The following PIEZO2 variants were observed in gnomAD, a reference collection of about 807,000 sequenced individuals.
PIEZO2 encodes the protein piezo-type mechanosensitive ion channel component 2.
PIEZO2 carries 172 observed loss-of-function variants against 337.3 expected under a neutral mutation model. That is an observed-to-expected ratio of 0.51 (90% CI 0.45 to 0.58). The LOEUF (loss-of-function observed/expected upper bound fraction) is 0.58. Among genes scored for constraint, PIEZO2 ranks in the 20% least tolerant of loss-of-function variants. The pLI is 0.00. For synonymous variants in PIEZO2, 1,251 were observed against 1,228.5 expected, an observed-to-expected ratio of 1.02 and a Z score of -0.38; for missense variants, 3,028 against 3,391.3, an observed-to-expected ratio of 0.89 and a Z score of 2.66.
rs201314305 is a variant in PIEZO2 at position 10,795,316 on chromosome 18, ATTT to A, written c.1528-317_1528-315del. 0.18 allele frequency among the ~76,000 whole-genome samples: 16,387 copies of A among 91,016 alleles called. 1,236 individuals carry two copies. Among genetic ancestry groups the A allele is most frequent in the African/African-American group, 0.24 (4,644 of 19,386 alleles). 59.7% of individuals were successfully genotyped at this position (91,016 alleles called of 152,430 possible). On this transcript the variant is annotated intron_variant, in intron 12 of 55. Transcript: ENST00000674853. The surrounding 1 kb of genome is among the most constrained non-coding windows in gnomAD (Gnocchi z 4.4). ...TAAGTAGCAAAATGTGTATTCAAAT[ATTT>A]TATTTTATTTTATTTTATTTTATTT...
At chr18:10,914,669 G>GT (rs759603135) in intron 3 of PIEZO2, among the ~76,000 whole-genome samples, 2 of 152,140 alleles carry the variant, frequency 1.3e-5, no homozygotes, top group Non-Finnish European at 2.9e-5. Flanking sequence ...AGGGCCAACT[G>GT]TAATTCATAG....
At chr18:10,843,944 C>T (rs899230983) in intron 7 of PIEZO2, among the ~76,000 whole-genome samples, 10 of 152,134 alleles carry the variant, frequency 6.6e-5, no homozygotes, top group African/African-American at 1.9e-4. Context: ...TGGTTTACCA[C>T]GAAGTTGTTC....
chr18:10,809,902 T>C (rs1172928273), intron 7 of PIEZO2, among the ~76,000 whole-genome samples: 1 of 152,182 alleles, frequency 6.6e-6, no homozygotes, highest in Non-Finnish European at 1.5e-5. Flanking sequence ...CTGACTGTCT[T>C]AAATCTCTCC....
At chr18:11,052,495 A>G (rs1228743994) in intron 2 of PIEZO2, among the ~76,000 whole-genome samples, 1 of 152,200 alleles carries the variant, frequency 6.6e-6, no homozygotes, top group African/African-American at 2.4e-5. Flanking sequence ...TCACCTTTGA[A>G]CCCTTTGTTT....
rs540111915 is a variant in PIEZO2 at position 11,035,295 on chromosome 18, G to A, written c.160+30832C>T. Among the ~76,000 whole-genome samples the A allele has an allele frequency of 6.7e-6, 1 of 148,964 alleles. No individual in the cohort carries two copies. The highest frequency in any genetic ancestry group is 2.5e-5 in the African/African-American group (1 of 39,616). On this transcript the variant is annotated intron_variant, in intron 2 of 55. Coordinates refer to ENST00000674853, the MANE Select transcript of PIEZO2 (RefSeq NM_001378183.1). The surrounding 1 kb of genome is among the most constrained non-coding windows in gnomAD (Gnocchi z 4.3). ...GGAGAGCTGGTTGTTTAAAAAGCCT[G>A]GCACCTTCTCTCTCTCTCCCTCTCT...
At position 11,096,297 on chromosome 18, in the gene PIEZO2, G is replaced by A. The variant is rs2902932; in HGVS notation, c.65-30075C>T. Among the ~76,000 whole-genome samples, 43,336 of 152,098 alleles carry A rather than the reference G, an allele frequency of 0.28. 6,373 individuals carry two copies. Among genetic ancestry groups the A allele is most frequent in the African/African-American group, 0.33 (13,842 of 41,490 alleles). ...TGCTGGCCCAAGCATTAGGGGCCAT[G>A]TCCTGCTACCAAATACCATTTCATT... On this transcript the variant is annotated intron_variant, in intron 1 of 55. Transcript: ENST00000674853. This position sits in a 1 kb window ranked among gnomAD's most constrained non-coding sequence, Gnocchi z 4.6.
rs2033741347 is a variant in PIEZO2 at position 10,670,882 on chromosome 18, G to A, written c.*645C>T. 1 of 152,058 alleles carries A rather than the reference G, an allele frequency of 6.6e-6. No homozygotes were observed. The highest frequency in any genetic ancestry group is 1.5e-5 in the Non-Finnish European group (1 of 67,976). The allele number at this position is 152,058 out of a possible 1,614,324, so 9.4% of individuals were successfully genotyped here. ...TTTTTTTTTTCCTGAGAAGTCACTG[G>A]TGTTTAATGGAAAGGTATCCTATTA... is the stretch of plus-strand genomic sequence containing the variant. On this transcript the variant is annotated 3_prime_UTR_variant, in exon 56 of 56. Transcript: ENST00000674853.
chr18:10,698,919 A>C lies in PIEZO2; in HGVS notation c.6694+6T>G. ...TACAGCCTAGATATATTGTGTCGAC[A>C]GATACCTCTTTGGGATCTGTTTGAA... is the stretch of plus-strand genomic sequence containing the variant. On this transcript the variant is annotated splice_donor_region_variant and intron_variant, in intron 44 of 55. Transcript: ENST00000674853. 6.5e-7 allele frequency: 1 copy of C among 1,536,180 alleles called. No homozygotes were observed. Among genetic ancestry groups the C allele is most frequent in the Non-Finnish European group, 8.7e-7 (1 of 1,146,886 alleles).
intron 18 of PIEZO2, among the ~76,000 whole-genome samples, chr18:10,778,140 T>C (rs2038851909): frequency 6.6e-6 from 1 of 152,214 alleles, no homozygotes; most frequent in South Asian, 2.1e-4. Context: ...CATTTTATTC[T>C]CCTTATAAAA....
At chr18:10,964,437 C>T (rs558595392) in intron 3 of PIEZO2, among the ~76,000 whole-genome samples, 18 of 152,146 alleles carry the variant, frequency 1.2e-4, no homozygotes, top group African/African-American at 4.3e-4. Flanking sequence ...CAGAAATAAA[C>T]ACAAATAGTA....
chr18:10,913,516 A>C (rs2030664113), intron 3 of PIEZO2, among the ~76,000 whole-genome samples: 1 of 152,146 alleles, frequency 6.6e-6, no homozygotes. Flanking sequence ...AGATATTTTC[A>C]GTATTATTCT....
chr18:11,075,820 G>A (rs377002715), intron 1 of PIEZO2, among the ~76,000 whole-genome samples: 23 of 136,606 alleles, frequency 1.7e-4, no homozygotes, highest in Middle Eastern at 8.8e-3. Context: ...ACAGAGTCTC[G>A]CTCTGTCACC....
chr18:10,736,621 G>A lies in PIEZO2; in HGVS notation c.4798C>T (p.Arg1600Ter), dbSNP rs886039822. 4.6e-6 allele frequency: 7 copies of A among 1,537,130 alleles called. No homozygotes were observed. The highest frequency in any genetic ancestry group is 2.4e-5 in the South Asian group (2 of 84,058). Residue 1600 changes from arginine (R) to a stop codon, truncating the protein, a stop_gained, in exon 34 of 56, where the codon CGA (arginine) becomes TGA (stop). Transcript: ENST00000674853. LOFTEE classifies it high-confidence loss of function. Reference protein sequence around the residue: ...ELKKEDEEPPRRSAFQRAIGK... With the variant: ...ELKKEDEEPP ...ATAATTACCTGGAATGCTGACCTTC[G>A]TGGAGGTTCTTCATCTTCCTTCTTT... is the stretch of plus-strand genomic sequence containing the variant.
At chr18:10,812,903 C>T (rs75163894) in intron 7 of PIEZO2, among the ~76,000 whole-genome samples, 7 of 152,142 alleles carry the variant, frequency 4.6e-5, no homozygotes, top group African/African-American at 1.2e-4. Flanking sequence ...GCAAGAAATA[C>T]GTAATACTGA....
Position 10,675,610 on chromosome 18 carries a change from C to T in PIEZO2, c.8082-322G>A, listed in dbSNP as rs144722841. On this transcript the variant is annotated intron_variant, in intron 53 of 55. Coordinates refer to ENST00000674853, the MANE Select transcript of PIEZO2 (RefSeq NM_001378183.1). The stretch of plus-strand genomic sequence containing the variant: ...AGGGGCACTGTTTCTTGCTAGGATC[C>T]TCCAATTCTTATCCATACCATTAAG... Among the ~76,000 whole-genome samples, 13 of 152,318 alleles carry T rather than the reference C, an allele frequency of 8.5e-5. No individual in the cohort carries two copies. The East Asian group carries it at 2.5e-3, about 29-fold the overall frequency.
chr18:11,010,831 T>G (rs2035872384), intron 2 of PIEZO2, among the ~76,000 whole-genome samples: 1 of 152,244 alleles, frequency 6.6e-6, no homozygotes, highest in Admixed American at 6.5e-5. Context: ...CCCAGAGAAT[T>G]ACATGGCTCA....
chr18:10,758,755 A>G (rs902295693), intron 26 of PIEZO2, among the ~76,000 whole-genome samples: 1 of 152,082 alleles, frequency 6.6e-6, no homozygotes, highest in Non-Finnish European at 1.5e-5. Flanking sequence ...ACTGTCCCCA[A>G]AGCAGAAGCC....
chr18:10,844,444 T>TAAAATAAAATAAAATAAAATAAAAA (rs1598571059), intron 7 of PIEZO2, among the ~76,000 whole-genome samples: 2 of 148,634 alleles, frequency 1.3e-5, no homozygotes. Flanking sequence ...TAAAATAAAA[T>TAAAATAAAATAAAATAAAATAAAAA]AAAAATAAAG....
chr18:11,088,054 T>C (rs996555036), intron 1 of PIEZO2, among the ~76,000 whole-genome samples: 1 of 152,248 alleles, frequency 6.6e-6, no homozygotes, highest in Non-Finnish European at 1.5e-5. Context: ...GGCACTTCCT[T>C]GTCTCTGCTC....
Sources: gnomAD v4.1 joint callset for allele counts (sites outside exome capture counted in the v4.1 genomes callset) on GRCh38, gnomAD v4.1.1 for gene constraint, Gnocchi (gnomAD v3.1) non-coding constraint, MANE v1.5 for transcripts, NCBI Gene and HGNC (gene_info 2026-07-23, HGNC 2026-07-21) for gene names.